Variants in RALGDS observed in about 807,000 individuals in gnomAD.
RALGDS encodes ral guanine nucleotide exchange factor.
RALGDS carries 44 observed loss-of-function variants against 99.8 expected under a neutral mutation model. The observed-to-expected ratio is 0.44, with a 90% confidence interval of 0.35 to 0.57. The LOEUF is 0.57. Among genes scored for constraint, RALGDS ranks in the 20% least tolerant of loss-of-function variants. The pLI is 0.01. For missense variants in RALGDS, 1,022 were observed against 1,203.1 expected (o/e 0.85, Z 2.23); for synonymous variants, 529 against 505.0 (o/e 1.05, Z -0.64).
At chr9:133,099,271 AACCAGAGCTGGGCT>A (rs1298696125) in intron 17 of RALGDS, 2 of 161,398 alleles carry the variant, frequency 1.2e-5, no homozygotes, top group Non-Finnish European at 2.7e-5. Context: ...GCCTGCTATA[AACCAGAGCTGGGCT>A]CGATTTGTGC....
Position 133,097,853 on chromosome 9 carries a change from A to ACCCCCC in RALGDS, c.*733_*734insGGGGGG, listed in dbSNP as rs1351674234. On this transcript the variant is annotated 3_prime_UTR_variant, in exon 18 of 18. Coordinates refer to ENST00000372050, the MANE Select transcript of RALGDS (RefSeq NM_006266.4). ...TTGCTTTTTATACAAATATTCAATC[A>ACCCCCC]CCCCACCCCCACCCCAAATCCTCCT... 1.3e-5 allele frequency: 3 copies of ACCCCCC among 223,522 alleles called. No individual in the cohort carries two copies. The highest frequency in any genetic ancestry group is 4.5e-5 in the African/African-American group (2 of 44,204). The allele number at this position is 223,522 out of a possible 1,614,324, so 13.8% of individuals were successfully genotyped here.
upstream of RALGDS, among the ~76,000 whole-genome samples, chr9:133,133,231 A>C (rs1481101881): frequency 6.6e-6 from 1 of 152,228 alleles, no homozygotes; most frequent in Non-Finnish European, 1.5e-5. Context: ...TTTCGGAGCC[A>C]GGGTGGGCAG....
intron 1 of RALGDS, among the ~76,000 whole-genome samples, chr9:133,117,853 C>T (rs1484548923): frequency 6.6e-6 from 1 of 152,222 alleles, no homozygotes; most frequent in Admixed American, 6.5e-5. Flanking sequence ...TCCACTGGCT[C>T]GTTCAGAGCC....
intron 1 of RALGDS, among the ~76,000 whole-genome samples, chr9:133,118,683 T>C (rs576684411): frequency 3.9e-5 from 6 of 152,318 alleles, no homozygotes; most frequent in Admixed American, 6.5e-5. Flanking sequence ...CAAAGCACTT[T>C]TGCCTTCCTC....
chr9:133,112,631 A>C (rs1290905384), intron 1 of RALGDS, among the ~76,000 whole-genome samples: 1 of 152,082 alleles, frequency 6.6e-6, no homozygotes, highest in Non-Finnish European at 1.5e-5. Context: ...CTACCTCCCC[A>C]GGGCCAGAGG....
Position 133,103,087 on chromosome 9 carries a change from C to A in RALGDS, c.1791+143G>T, listed in dbSNP as rs1054632662. The A allele has an allele frequency of 7.4e-6, 10 of 1,357,470 alleles. No individual in the cohort carries two copies. In the Admixed American group the frequency reaches 1.3e-4, roughly 18 times the overall value. The allele number at this position is 1,357,470 out of a possible 1,614,324, so 84.1% of individuals were successfully genotyped here. A position where few individuals can be genotyped will look rare whatever the true frequency, so the allele number is the denominator to read the frequency against. The stretch of plus-strand genomic sequence containing the variant: ...GATTATAACCTCCTACCCTCACCCT[C>A]CAGTGGGAGGGGACCCCCTTCTCTC... On this transcript the variant is annotated intron_variant, in intron 12 of 17. Coordinates refer to ENST00000372050, the MANE Select transcript of RALGDS (RefSeq NM_006266.4).
chr9:133,133,121 C>A (rs971469426), upstream of RALGDS, among the ~76,000 whole-genome samples: 3 of 151,364 alleles, frequency 2.0e-5, no homozygotes, highest in Non-Finnish European at 3.0e-5. Context: ...GAATAGCCCA[C>A]TCCAGCCCAG....
intron 14 of RALGDS, 116 bp from the exon 15 acceptor site, chr9:133,102,255 C>T (rs1179966481): frequency 1.7e-6 from 2 of 1,194,362 alleles, no homozygotes; most frequent in Non-Finnish European, 2.4e-6. Flanking sequence ...GCCAGTACTC[C>T]ATTCACCACA....
intron 17 of RALGDS, chr9:133,099,922 G>C: frequency 2.8e-6 from 1 of 356,702 alleles, no homozygotes; most frequent in Non-Finnish European, 5.4e-6. Context: ...GTCCACAGCT[G>C]TCACCATTCT....
At position 133,102,144 on chromosome 9, in the gene RALGDS, G is replaced by C; in HGVS notation, c.2010-5C>G. The C allele has an allele frequency of 6.4e-7, 1 of 1,560,012 alleles. No homozygotes were observed. Among genetic ancestry groups the C allele is most frequent in the Non-Finnish European group, 8.7e-7 (1 of 1,150,746 alleles). On this transcript the variant is annotated splice_polypyrimidine_tract_variant and splice_region_variant and intron_variant, in intron 14 of 17. Coordinates refer to ENST00000372050, the MANE Select transcript of RALGDS (RefSeq NM_006266.4). ...TCAGTGCTGGGGGCCTGGCGGCTGG[G>C]TGAAGAGTTGGCTTAGTTAAGGGGG...
In RALGDS at chr9:133,127,792, C is replaced by T. The variant is rs565227633; in HGVS notation, c.132+3160G>A. 5.3e-5 allele frequency among the ~76,000 whole-genome samples: 8 copies of T among 152,324 alleles called. No individual in the cohort carries two copies. The South Asian group carries it at 1.2e-3, about 24-fold the overall frequency. ...AACTCAGAGCTGGCCAGGTGAGAAG[C>T]GAAGCACCGAACCACTGAAATCTCC... On this transcript the variant is annotated intron_variant, in intron 1 of 17. Coordinates refer to the RALGDS transcript ENST00000372062.
upstream of RALGDS, among the ~76,000 whole-genome samples, chr9:133,132,958 T>C (rs1467515785): frequency 6.6e-6 from 1 of 151,922 alleles, no homozygotes; most frequent in Admixed American, 6.6e-5. Context: ...ACTTTCATAG[T>C]GGGGGTGGGG....
At chr9:133,122,611 T>C (rs1006639987), upstream of RALGDS, among the ~76,000 whole-genome samples, 10 of 152,232 alleles carry the variant, frequency 6.6e-5, no homozygotes, top group Admixed American at 6.5e-4. Context: ...ACAAAAATTA[T>C]GGTGGTAAGT....
intron 2 of RALGDS, among the ~76,000 whole-genome samples, chr9:133,111,431 C>T (rs1024570567): frequency 6.6e-6 from 1 of 152,218 alleles, no homozygotes; most frequent in Non-Finnish European, 1.5e-5. Flanking sequence ...CAGGCACACA[C>T]CACCATGCTT....
chr9:133,111,909 G>A (rs1467756454), intron 2 of RALGDS, 133 bp downstream of exon 2: 3 of 726,154 alleles, frequency 4.1e-6, no homozygotes, highest in African/African-American at 1.7e-5. Flanking sequence ...GATTAAGCCT[G>A]GGCTGGACAG....
intron 1 of RALGDS, among the ~76,000 whole-genome samples, chr9:133,137,537 C>T (rs1406139277): frequency 2.0e-5 from 3 of 152,242 alleles, no homozygotes; most frequent in African/African-American, 7.2e-5. Flanking sequence ...GGCGGGGCGC[C>T]TCTGCTCACC....
In RALGDS at chr9:133,112,024, G is replaced by A. The variant is rs558780237; in HGVS notation, c.294+18C>T. ...ATCCCCAGCTGCGTCTCCCAGTGGA[G>A]ACCCCGAGCGCACTCACCCCGAGCC... On this transcript the variant is annotated intron_variant, in intron 2 of 17. Coordinates refer to ENST00000372050, the MANE Select transcript of RALGDS (RefSeq NM_006266.4). The A allele has an allele frequency of 5.8e-6, 9 of 1,545,470 alleles. No individual in the cohort carries two copies. The highest frequency in any genetic ancestry group is 3.6e-5 in the South Asian group (3 of 84,446).
intron 16 of RALGDS, chr9:133,101,244 T>C: frequency 1.5e-6 from 2 of 1,310,350 alleles, no homozygotes; most frequent in Non-Finnish European, 2.0e-6. Context: ...TCAGGGCCTA[T>C]GTGGCCAGGC....
At chr9:133,116,453 T>G (rs1831613882) in intron 1 of RALGDS, among the ~76,000 whole-genome samples, 1 of 152,238 alleles carries the variant, frequency 6.6e-6, no homozygotes, top group African/African-American at 2.4e-5. Context: ...TGCTACTCAC[T>G]GATGGGAAAA....
Sources: gnomAD v4.1 joint callset for allele counts (sites outside exome capture counted in the v4.1 genomes callset) on GRCh38, gnomAD v4.1.1 for gene constraint, MANE v1.5 for transcripts, NCBI Gene and HGNC (gene_info 2026-07-23, HGNC 2026-07-21) for gene names.